CNTNAP2: variants seen among roughly 807,000 people sequenced by gnomAD.
The protein encoded by CNTNAP2 is contactin-associated protein-like 2.
Under a neutral mutation model 155.2 loss-of-function variants are expected in CNTNAP2, and 98 were observed. That is an observed-to-expected ratio of 0.63 (90% CI 0.54 to 0.75). The LOEUF is 0.75. Among genes scored for constraint, CNTNAP2 ranks in the 30% least tolerant of loss-of-function variants. The probability of loss-of-function intolerance (pLI) is 0.00; values close to 1 mark genes in which losing one functional copy is unlikely to be tolerated. For synonymous variants in CNTNAP2, 651 were observed against 631.2 expected, an observed-to-expected ratio of 1.03 and a Z score of -0.47; for missense variants, 1,727 against 1,688.1, an observed-to-expected ratio of 1.02 and a Z score of -0.40.
chr7:147,801,019 A>G (rs1016950576), intron 13 of CNTNAP2, among the ~76,000 whole-genome samples: 3 of 152,228 alleles, frequency 2.0e-5, no homozygotes, highest in African/African-American at 7.2e-5. Flanking sequence ...GACAACATCA[A>G]CTAACAACAC....
At chr7:146,739,658 A>G (rs1801679002) in intron 1 of CNTNAP2, among the ~76,000 whole-genome samples, 1 of 152,014 alleles carries the variant, frequency 6.6e-6, no homozygotes, top group African/African-American at 2.4e-5. Context: ...TGTCTGTTAC[A>G]TACATTTGAT....
In CNTNAP2 at chr7:147,771,364, A is replaced by G. The variant is rs1797466093; in HGVS notation, c.2098+132058A>G. 2.0e-5 allele frequency among the ~76,000 whole-genome samples: 3 copies of G among 152,362 alleles called. No individual in the cohort carries two copies. In the East Asian group the frequency reaches 5.8e-4, roughly 29 times the overall value. ...AACTGTGCATGAAAAGATGCTACAA[A>G]TAAAGTAGAGAGGAAAGCTATAGAA... is the stretch of plus-strand genomic sequence containing the variant. On this transcript the variant is annotated intron_variant, in intron 13 of 23. Coordinates refer to ENST00000361727, the MANE Select transcript of CNTNAP2 (RefSeq NM_014141.6).
chr7:146,151,657 T>TAC (rs1798045049), intron 1 of CNTNAP2, among the ~76,000 whole-genome samples: 5 of 35,390 alleles, frequency 1.4e-4, no homozygotes, highest in East Asian at 9.3e-4. Context: ...TATATATATA[T>TAC]ATATATATAT....
rs186911410 is a variant in CNTNAP2 at position 148,056,274 on chromosome 7, A to G, written c.2384-61844A>G. ...GTTCTGTGGATTTTTCATGCTTGAT[A>G]TGGTTGGTTTCTGGGATGTGTTTCA... On this transcript the variant is annotated intron_variant, in intron 15 of 23. Transcript: ENST00000361727. Among the ~76,000 whole-genome samples the G allele has an allele frequency of 4.8e-3, 736 of 152,242 alleles. 7 individuals are homozygous for G. The highest frequency in any genetic ancestry group is 0.017 in the African/African-American group (706 of 41,536).
intron 9 of CNTNAP2, among the ~76,000 whole-genome samples, chr7:147,336,252 T>C (rs1342958311): frequency 1.4e-5 from 2 of 142,142 alleles, no homozygotes; most frequent in African/African-American, 2.5e-5. Flanking sequence ...AGGTTTGCTG[T>C]TGTTGTTGCC....
At chr7:146,394,911 C>G (rs2129107085) in intron 1 of CNTNAP2, among the ~76,000 whole-genome samples, 1 of 152,192 alleles carries the variant, frequency 6.6e-6, no homozygotes, top group South Asian at 2.1e-4. Flanking sequence ...CTGTTTGCAT[C>G]TCCAGTGTCT....
chr7:146,721,562 CTATATATATTCTATATACATTCTA>C (rs1477783494), intron 1 of CNTNAP2, among the ~76,000 whole-genome samples: 2,515 of 112,788 alleles, frequency 0.022, 63 homozygotes, highest in Middle Eastern at 0.071. Flanking sequence ...TATATACATT[CTATATATATTCTATATACATTCTA>C]TATATATATT....
chr7:147,314,156 T>A (rs548869404), intron 9 of CNTNAP2, among the ~76,000 whole-genome samples: 59 of 152,250 alleles, frequency 3.9e-4, no homozygotes, highest in African/African-American at 1.3e-3. Flanking sequence ...TGTAAGACTT[T>A]TTGGCTTTCA....
intron 1 of CNTNAP2, among the ~76,000 whole-genome samples, chr7:146,481,998 G>A (rs1796966444): frequency 6.6e-6 from 1 of 152,086 alleles, no homozygotes; most frequent in South Asian, 2.1e-4. Flanking sequence ...AAACTTCAAA[G>A]CATGCCTATA....
intron 13 of CNTNAP2, among the ~76,000 whole-genome samples, chr7:147,775,305 T>A (rs2373184): frequency 2.6e-4 from 13 of 50,070 alleles, no homozygotes; most frequent in African/African-American, 4.8e-4. Flanking sequence ...TTATATATAT[T>A]TATAAATATA....
At position 147,218,414 on chromosome 7, in the gene CNTNAP2, T is replaced by C. The variant is rs148054486; in HGVS notation, c.1349-81727T>C. Among the ~76,000 whole-genome samples the C allele has an allele frequency of 2.6e-3, 397 of 152,096 alleles. 1 individual carries two copies. The highest frequency in any genetic ancestry group is 9.0e-3 in the African/African-American group (374 of 41,582). On this transcript the variant is annotated intron_variant, in intron 8 of 23. Transcript: ENST00000361727. Reference sequence around the variant, plus strand: ...TACCCATGTGTTATTTAGAAGTGTGTTCATTGTTTAATCTCCATGTATTTT... The same window carrying C: ...TACCCATGTGTTATTTAGAAGTGTGCTCATTGTTTAATCTCCATGTATTTT...
chr7:148,321,919 CG>C (rs1797795503), intron 21 of CNTNAP2, among the ~76,000 whole-genome samples: 1 of 146,908 alleles, frequency 6.8e-6, no homozygotes, highest in African/African-American at 2.5e-5. Context: ...TTTTCTGAGA[CG>C]GATTCTCGCT....
In CNTNAP2 at chr7:148,419,133, T is replaced by C. The variant is rs1800057102; in HGVS notation, c.*3517T>C. The C allele has an allele frequency of 6.6e-6, 1 of 152,210 alleles. No homozygotes were observed. The highest frequency in any genetic ancestry group is 6.5e-5 in the Admixed American group (1 of 15,284). The allele number at this position is 152,210 out of a possible 1,614,324, so 9.4% of individuals were successfully genotyped here. ...CTCTCTTCCTCTCCTCACCACATTA[T>C]ACCCTGCTCTTACGCAGTAAACGTT... On this transcript the variant is annotated 3_prime_UTR_variant, in exon 24 of 24. Coordinates refer to ENST00000361727, the MANE Select transcript of CNTNAP2 (RefSeq NM_014141.6).
intron 22 of CNTNAP2, among the ~76,000 whole-genome samples, chr7:148,405,583 C>T (rs968866284): frequency 2.1e-4 from 29 of 135,068 alleles, no homozygotes; most frequent in African/African-American, 5.1e-4. Context: ...ACTACAGGCA[C>T]GTGCCACCAT....
chr7:147,245,356 G>A (rs1190671873), intron 8 of CNTNAP2, among the ~76,000 whole-genome samples: 1 of 152,104 alleles, frequency 6.6e-6, no homozygotes, highest in Non-Finnish European at 1.5e-5. Flanking sequence ...TTACTGGGAT[G>A]GAGGGAGTCG....
intron 1 of CNTNAP2, among the ~76,000 whole-genome samples, chr7:146,265,081 G>C (rs1201774940): frequency 6.6e-6 from 1 of 152,126 alleles, no homozygotes; most frequent in Admixed American, 6.5e-5. Flanking sequence ...CATTGTGTGA[G>C]TCTAAGAAAG....
At chr7:146,888,891 C>T (rs1795724382) in intron 3 of CNTNAP2, among the ~76,000 whole-genome samples, 2 of 152,140 alleles carry the variant, frequency 1.3e-5, no homozygotes, top group African/African-American at 2.4e-5. Context: ...CTCAGTTATG[C>T]AAGGTAAATA....
At chr7:146,992,228 T>G (rs1798221148) in intron 3 of CNTNAP2, among the ~76,000 whole-genome samples, 1 of 152,128 alleles carries the variant, frequency 6.6e-6, no homozygotes, top group African/African-American at 2.4e-5. Flanking sequence ...AGAACTACTT[T>G]TAAAAAAAAT....
intron 10 of CNTNAP2, among the ~76,000 whole-genome samples, chr7:147,402,678 A>G (rs1796937307): frequency 2.0e-5 from 3 of 152,196 alleles, no homozygotes. Context: ...GAGACTACAT[A>G]AAGCTGAAAT....
Sources: gnomAD v4.1 joint callset for allele counts (sites outside exome capture counted in the v4.1 genomes callset) on GRCh38, gnomAD v4.1.1 for gene constraint, MANE v1.5 for transcripts, NCBI Gene and HGNC (gene_info 2026-07-23, HGNC 2026-07-21) for gene names.